GRID2: variants seen among roughly 807,000 people sequenced by gnomAD.
The protein encoded by GRID2 is glutamate ionotropic receptor delta type subunit 2, also known as glutamate receptor ionotropic, delta-2.
GRID2 carries 33 observed loss-of-function variants against 114.8 expected under a neutral mutation model. The ratio of observed to expected loss-of-function variants is 0.29; its 90% CI spans 0.22 to 0.38. The LOEUF (loss-of-function observed/expected upper bound fraction) is 0.38, where lower values mean the gene tolerates loss of function less well. GRID2 is among the 10% of genes least tolerant of loss of function. The pLI is 1.00. For synonymous variants in GRID2, 505 were observed against 449.9 expected, an observed-to-expected ratio of 1.12 and a Z score of -1.55; for missense variants, 1,184 against 1,257.7, an observed-to-expected ratio of 0.94 and a Z score of 0.89.
intron 1 of GRID2, among the ~76,000 whole-genome samples, chr4:93,800,614 C>T (rs1345012219): frequency 1.3e-5 from 2 of 152,142 alleles, no homozygotes; most frequent in African/African-American, 2.4e-5. Flanking sequence ...TTAACTTTCA[C>T]TGTTATCAAA....
chr4:92,684,435 A>G (rs1733803707), intron 2 of GRID2, among the ~76,000 whole-genome samples: 1 of 152,016 alleles, frequency 6.6e-6, no homozygotes, highest in African/African-American at 2.4e-5. Context: ...GTAAGTATAA[A>G]TTTCTGTAAA....
At chr4:93,568,980 C>G (rs1007969517) in intron 13 of GRID2, among the ~76,000 whole-genome samples, 2 of 152,162 alleles carry the variant, frequency 1.3e-5, no homozygotes, top group African/African-American at 4.8e-5. Context: ...TGTGATTCCC[C>G]TGGGCAGGCA....
chr4:92,398,340 G>A (rs1397475488), intron 1 of GRID2, among the ~76,000 whole-genome samples: 1 of 151,966 alleles, frequency 6.6e-6, no homozygotes, highest in Non-Finnish European at 1.5e-5. Flanking sequence ...GAAACCTGTT[G>A]CCCAGACTGG....
At position 92,383,145 on chromosome 4, in the gene GRID2, CTG is replaced by C. The variant is rs1454626693; in HGVS notation, c.88+78404_88+78405del. ...TATCCCAAGAACAGCACCAAGGAGA[CTG>C]TGCTAAATCATTCATGAGGATTCCG... On this transcript the variant is annotated intron_variant, in intron 1 of 15. Coordinates refer to ENST00000282020, the MANE Select transcript of GRID2 (RefSeq NM_001510.4). 7.9e-5 allele frequency among the ~76,000 whole-genome samples: 12 copies of C among 151,994 alleles called. 1 individual carries two copies. In the South Asian group the frequency reaches 1.7e-3, roughly 21 times the overall value.
intron 2 of GRID2, among the ~76,000 whole-genome samples, chr4:92,716,005 C>T (rs1369216523): frequency 1.3e-5 from 2 of 152,136 alleles, no homozygotes; most frequent in Non-Finnish European, 2.9e-5. Flanking sequence ...CATTAGACAT[C>T]TGAGCAGAAT....
rs539974721 is a variant in GRID2 at position 92,364,158 on chromosome 4, A to C, written c.88+59414A>C. On this transcript the variant is annotated intron_variant, in intron 1 of 15. Coordinates refer to ENST00000282020, the MANE Select transcript of GRID2 (RefSeq NM_001510.4). ...ATCATCAAACTACATTTCTACACTC[A>C]TGGTAAGATTTTTCATAATTTTTCT... 7.2e-4 allele frequency among the ~76,000 whole-genome samples: 110 copies of C among 152,194 alleles called. 1 individual carries two copies. Among genetic ancestry groups the C allele is most frequent in the African/African-American group, 2.6e-3 (108 of 41,556 alleles).
intron 11 of GRID2, among the ~76,000 whole-genome samples, chr4:93,475,772 G>C (rs1725263845): frequency 6.6e-6 from 1 of 152,096 alleles, no homozygotes; most frequent in Admixed American, 6.6e-5. Flanking sequence ...ATTTTCCTCA[G>C]AACTACTGAT....
chr4:93,341,967 T>C (rs1353058807), intron 8 of GRID2, among the ~76,000 whole-genome samples: 5 of 152,232 alleles, frequency 3.3e-5, no homozygotes, highest in Non-Finnish European at 1.5e-5. Flanking sequence ...AGATCTACTC[T>C]CTTATCTTCT....
chr4:93,706,952 A>G (rs1385419048), intron 14 of GRID2, among the ~76,000 whole-genome samples: 4 of 152,230 alleles, frequency 2.6e-5, no homozygotes, highest in South Asian at 2.1e-4. Context: ...TTTATCATCA[A>G]TTGAAATATC....
intron 1 of GRID2, among the ~76,000 whole-genome samples, chr4:92,394,705 AT>A (rs1730410340): frequency 6.6e-6 from 1 of 151,964 alleles, no homozygotes; most frequent in Non-Finnish European, 1.5e-5. Context: ...ACTTGAAAGA[AT>A]TATTAGTTTT....
rs141852986 is a variant in GRID2, at chr4:92,457,758, C to G, written c.89-132373C>G. Among the ~76,000 whole-genome samples the G allele has an allele frequency of 4.0e-5, 6 of 151,890 alleles. No individual in the cohort carries two copies. The East Asian group carries it at 1.2e-3, about 29-fold the overall frequency. On this transcript the variant is annotated intron_variant, in intron 1 of 15. Coordinates refer to ENST00000282020, the MANE Select transcript of GRID2 (RefSeq NM_001510.4). Reference sequence around the variant, plus strand: ...GCATTTGCCTCCAAGAGAAAAGGCACGAAAGCATCACAAGCAGAGAACAAA... The same window carrying G: ...GCATTTGCCTCCAAGAGAAAAGGCAGGAAAGCATCACAAGCAGAGAACAAA...
At chr4:93,137,748 A>G (rs935477945) in intron 4 of GRID2, among the ~76,000 whole-genome samples, 3 of 152,096 alleles carry the variant, frequency 2.0e-5, no homozygotes, top group Non-Finnish European at 2.9e-5. Context: ...TTTTAATTAT[A>G]TCATCTTCTG....
At chr4:93,687,844 GT>G (rs1482673951) in intron 14 of GRID2, among the ~76,000 whole-genome samples, 1 of 151,890 alleles carries the variant, frequency 6.6e-6, no homozygotes, top group African/African-American at 2.4e-5. Flanking sequence ...TCAAAGCTAA[GT>G]TTTAAGATTA....
chr4:93,264,369 A>G (rs756652856), intron 8 of GRID2, among the ~76,000 whole-genome samples: 3 of 152,102 alleles, frequency 2.0e-5, no homozygotes, highest in Non-Finnish European at 4.4e-5. Flanking sequence ...AGGTAAGGTC[A>G]CAGCAAAATT....
intron 1 of GRID2, among the ~76,000 whole-genome samples, chr4:92,579,953 TTA>T (rs1728096508): frequency 6.8e-6 from 1 of 146,760 alleles, no homozygotes; most frequent in Non-Finnish European, 1.5e-5. Context: ...TATATATATT[TTA>T]TATATGTGTA....
intron 13 of GRID2, among the ~76,000 whole-genome samples, chr4:93,541,576 T>C (rs1732655182): frequency 6.6e-6 from 1 of 150,858 alleles, no homozygotes; most frequent in Non-Finnish European, 1.5e-5. Flanking sequence ...AAATATCTGA[T>C]ATATATTTCA....
At chr4:93,477,066 A>G (rs1382325940) in intron 11 of GRID2, among the ~76,000 whole-genome samples, 1 of 152,046 alleles carries the variant, frequency 6.6e-6, no homozygotes, top group African/African-American at 2.4e-5. Flanking sequence ...GAAGTCCAAT[A>G]TCAAGGTGCT....
At chr4:93,632,036 A>G (rs2149699430) in intron 14 of GRID2, among the ~76,000 whole-genome samples, 1 of 152,242 alleles carries the variant, frequency 6.6e-6, no homozygotes, top group African/African-American at 2.4e-5. Context: ...GTCTGTTCAT[A>G]TCCTTCACCC....
At chr4:93,121,680 G>T (rs1014057537) in intron 4 of GRID2, among the ~76,000 whole-genome samples, 1 of 152,044 alleles carries the variant, frequency 6.6e-6, no homozygotes, top group Non-Finnish European at 1.5e-5. Context: ...CAAGGAGTAC[G>T]CATAAGGCAT....
Sources: allele counts gnomAD v4.1 joint callset (sites outside exome capture counted in the v4.1 genomes callset), GRCh38; gene constraint gnomAD v4.1.1; transcripts MANE v1.5; gene names NCBI Gene and HGNC (gene_info 2026-07-23, HGNC 2026-07-21).